The following ASB6 variants were observed in gnomAD, a reference collection of about 807,000 sequenced individuals.
ASB6 encodes ankyrin repeat and SOCS box containing 6, also known as ankyrin repeat and SOCS box protein 6.
ASB6 carries 24 observed loss-of-function variants against 28.6 expected under a neutral mutation model. That is an observed-to-expected ratio of 0.84 (90% CI 0.61 to 1.18). The LOEUF is 1.18. ASB6 is among the 50% of genes most tolerant of loss of function. The pLI, the probability that ASB6 is intolerant of heterozygous loss-of-function variation, is 0.00. For missense variants in ASB6, 519 were observed against 559.8 expected (o/e 0.93, Z 0.74); for synonymous variants, 267 against 243.4 (o/e 1.10, Z -0.90).
chr9:129,637,784 G>A lies in ASB6; in HGVS notation c.*6C>T. The A allele has an allele frequency of 6.6e-7, 1 of 1,508,928 alleles. No individual in the cohort carries two copies. The highest frequency in any genetic ancestry group is 1.4e-5 in the South Asian group (1 of 74,010). The allele number at this position is 1,508,928 out of a possible 1,614,324, so 93.5% of individuals were successfully genotyped here. A position where few individuals can be genotyped will look rare whatever the true frequency, so the allele number is the denominator to read the frequency against. The stretch of plus-strand genomic sequence containing the variant: ...CGTGTCCCCCGTTCCTGTAGCCTGA[G>A]ACCTATCAGATGTCATCTTCCACGG... On this transcript the variant is annotated 3_prime_UTR_variant, in exon 6 of 6. Transcript: ENST00000277458.
chr9:129,639,114 A>C, intron 4 of ASB6, 88 bp downstream of exon 4: 2 of 1,301,198 alleles, frequency 1.5e-6, no homozygotes, highest in Non-Finnish European at 2.1e-6. Context: ...CAGTCTGCCC[A>C]CCTAGCTGTT....
Position 129,635,144 on chromosome 9 carries a change from A to C in ASB6, c.*2646T>G. 1 of 1,557,098 alleles carries C rather than the reference A, an allele frequency of 6.4e-7. No homozygotes were observed. Among genetic ancestry groups the C allele is most frequent in the South Asian group, 1.2e-5 (1 of 84,180 alleles). ...GGGGCTCAGCGGGGCTGAGAAGTAC[A>C]TCCCATCCAGTGCCGACATCCGCTT... On this transcript the variant is annotated 3_prime_UTR_variant, in exon 6 of 6. Coordinates refer to ENST00000277458, the MANE Select transcript of ASB6 (RefSeq NM_017873.4).
At chr9:129,639,152 C>G in intron 4 of ASB6, 50 bp downstream of exon 4, 1 of 1,535,660 alleles carries the variant, frequency 6.5e-7, no homozygotes, top group Non-Finnish European at 8.8e-7. Context: ...GTGTCCCCCA[C>G]AAGGTGCCTG....
chr9:129,642,054 C>A lies in ASB6; in HGVS notation c.-55G>T. The stretch of plus-strand genomic sequence containing the variant: ...GCGCTTTCTGCCGAGGCCGAGATGC[C>A]CAGACGCCGACCGGAACGCTCCGGC... On this transcript the variant is annotated 5_prime_UTR_variant, in exon 1 of 6. Transcript: ENST00000277458. The surrounding 1 kb of genome is among the most constrained non-coding windows in gnomAD (Gnocchi z 4.3). 1 of 1,519,448 alleles carries A rather than the reference C, an allele frequency of 6.6e-7. No homozygotes were observed. The highest frequency in any genetic ancestry group is 8.8e-7 in the Non-Finnish European group (1 of 1,131,570). The allele number at this position is 1,519,448 out of a possible 1,614,324, so 94.1% of individuals were successfully genotyped here.
chr9:129,642,049 G>C lies in ASB6; in HGVS notation c.-50C>G. ...CCGTCGCGCTTTCTGCCGAGGCCGA[G>C]ATGCCCAGACGCCGACCGGAACGCT... On this transcript the variant is annotated 5_prime_UTR_variant, in exon 1 of 6. It adds an upstream start codon to the 5' untranslated region. Transcript: ENST00000277458. The surrounding 1 kb of genome is among the most constrained non-coding windows in gnomAD (Gnocchi z 4.3). 1 of 1,538,782 alleles carries C rather than the reference G, an allele frequency of 6.5e-7. No individual in the cohort carries two copies. Among genetic ancestry groups the C allele is most frequent in the Non-Finnish European group, 8.8e-7 (1 of 1,141,654 alleles).
chr9:129,640,105 G>A (rs1831659269), intron 2 of ASB6, among the ~76,000 whole-genome samples: 1 of 152,214 alleles, frequency 6.6e-6, no homozygotes, highest in Non-Finnish European at 1.5e-5. Flanking sequence ...CCAGGAGCCA[G>A]GGTGTCCTGT....
chr9:129,635,294 A>T lies in ASB6; in HGVS notation c.*2496T>A. ...CAACGGCATCATCGTCATCAAAGAC[A>T]ACATGGCCCAGGAGGGCGTGATTCT... is the stretch of plus-strand genomic sequence containing the variant. On this transcript the variant is annotated 3_prime_UTR_variant, in exon 6 of 6. Coordinates refer to ENST00000277458, the MANE Select transcript of ASB6 (RefSeq NM_017873.4). The T allele has an allele frequency of 6.2e-7, 1 of 1,613,788 alleles. No individual in the cohort carries two copies. Among genetic ancestry groups the T allele is most frequent in the Non-Finnish European group, 8.5e-7 (1 of 1,180,022 alleles).
At chr9:129,639,535 G>GGTCC in intron 2 of ASB6, 27 bp from the exon 3 acceptor site, 1 of 1,592,886 alleles carries the variant, frequency 6.3e-7, no homozygotes, top group Non-Finnish European at 8.6e-7. Context: ...AGCTCATGTG[G>GGTCC]GTCCTATCTG....
Position 129,636,670 on chromosome 9 carries a change from C to T in ASB6, c.*1120G>A, listed in dbSNP as rs905026470. 2 of 152,070 alleles carry T rather than the reference C, an allele frequency of 1.3e-5. No individual in the cohort carries two copies. Among genetic ancestry groups the T allele is most frequent in the African/African-American group, 4.8e-5 (2 of 41,392 alleles). The allele number at this position is 152,070 out of a possible 1,614,324, so 9.4% of individuals were successfully genotyped here. A position where few individuals can be genotyped will look rare whatever the true frequency, so the allele number is the denominator to read the frequency against. On this transcript the variant is annotated 3_prime_UTR_variant, in exon 6 of 6. Coordinates refer to ENST00000277458, the MANE Select transcript of ASB6 (RefSeq NM_017873.4). Reference sequence around the variant, plus strand: ...CGAGATTGCACCATTGCACTCCAGCCTGGGTGACAGAGTGTCTCGAAAAAA... The same window carrying T: ...CGAGATTGCACCATTGCACTCCAGCTTGGGTGACAGAGTGTCTCGAAAAAA...
In ASB6 at chr9:129,638,237, G is replaced by T; in HGVS notation, c.819C>A (p.His273Gln). 6.2e-7 allele frequency: 1 copy of T among 1,613,396 alleles called. No homozygotes were observed. Among genetic ancestry groups the T allele is most frequent in the Non-Finnish European group, 8.5e-7 (1 of 1,179,776 alleles). Residue 273 changes from histidine to glutamine, a missense_variant, in exon 6 of 6, where the codon CAC becomes CAA. His to Gln is a conservative substitution (Grantham distance 24). Transcript: ENST00000277458. ...CCAGGAGGAAGCGCAGGAGAGGGAA[G>T]TGCAGTTTAAAGCTCTTCAGGCAGA... ...THICLKSFKLHFPLLRFLLES... is the reference protein window; with the variant it reads ...THICLKSFKLQFPLLRFLLES...
chr9:129,637,642 G>T lies in ASB6; in HGVS notation c.*148C>A. On this transcript the variant is annotated 3_prime_UTR_variant, in exon 6 of 6. Transcript: ENST00000277458. ...ACCCTTCACCACTGGAGTGATCACA[G>T]CTTCAGGCTCTACCTGGCTGGCTTT... 1 of 788,884 alleles carries T rather than the reference G, an allele frequency of 1.3e-6. No homozygotes were observed. The highest frequency in any genetic ancestry group is 1.9e-6 in the Non-Finnish European group (1 of 537,380). The allele number at this position is 788,884 out of a possible 1,614,324, so 48.9% of individuals were successfully genotyped here. A position where few individuals can be genotyped will look rare whatever the true frequency, so the allele number is the denominator to read the frequency against.
At chr9:129,639,818 T>A (rs1469977083) in intron 2 of ASB6, among the ~76,000 whole-genome samples, 1 of 152,252 alleles carries the variant, frequency 6.6e-6, no homozygotes, top group Non-Finnish European at 1.5e-5. Flanking sequence ...CTGGCGGCTC[T>A]GCTTTGTAGG....
In ASB6 at chr9:129,637,866, T is replaced by G; in HGVS notation, c.1190A>C (p.Lys397Thr). The G allele has an allele frequency of 6.5e-7, 1 of 1,545,708 alleles. No individual in the cohort carries two copies. Reference sequence around the variant, plus strand: ...CAGCCTGTCGGGCAGAGGCAGGGCTTTGACCTTCACATCCACAGGCCACGG... The same window carrying G: ...CAGCCTGTCGGGCAGAGGCAGGGCTGTGACCTTCACATCCACAGGCCACGG... ...LQPWPVDVKV[K>T]ALPLPDRLKW... Residue 397 changes from lysine to threonine, a missense_variant, in exon 6 of 6, where the codon AAA becomes ACA. Physicochemically the swap from Lys to Thr is moderately conservative, Grantham distance 78 (BLOSUM62 -1). Coordinates refer to ENST00000277458, the MANE Select transcript of ASB6 (RefSeq NM_017873.4).
rs770962165 is a variant in ASB6 at position 129,639,327 on chromosome 9, C to T, written c.403-17G>A. On this transcript the variant is annotated splice_polypyrimidine_tract_variant and intron_variant, in intron 3 of 5. Coordinates refer to ENST00000277458, the MANE Select transcript of ASB6 (RefSeq NM_017873.4). ...CTCGTGGATCTGAGCCAAGGAAGCA[C>T]AGCCAGGTTGGCTTGGGAAGCTGCT... 6 of 1,604,638 alleles carry T rather than the reference C, an allele frequency of 3.7e-6. No homozygotes were observed. In the African/African-American group the frequency reaches 5.3e-5, roughly 14 times the overall value.
rs900434296 is a variant in ASB6, at chr9:129,635,256, G to A, written c.*2534C>T. 6.2e-7 allele frequency: 1 copy of A among 1,613,080 alleles called. No homozygotes were observed. On this transcript the variant is annotated 3_prime_UTR_variant, in exon 6 of 6. Transcript: ENST00000277458. ...GCCGAGTTCCTGCGGCGCTGCAAGG[G>A]CAGCCTCCGCCCCAACGGCATCATC...
intron 2 of ASB6, 72 bp from the exon 3 acceptor site, chr9:129,639,580 C>T: frequency 7.5e-7 from 1 of 1,331,612 alleles, no homozygotes; most frequent in South Asian, 1.3e-5. Flanking sequence ...ACCCAGAGCC[C>T]AGCCCCAAAC....
Position 129,639,231 on chromosome 9 carries a change from C to T in ASB6, c.482G>A (p.Gly161Glu). 6.2e-7 allele frequency: 1 copy of T among 1,611,294 alleles called. No individual in the cohort carries two copies. Among genetic ancestry groups the T allele is most frequent in the Non-Finnish European group, 8.5e-7 (1 of 1,179,142 alleles). The change falls in exon 4 of 6, where the codon GGA (glycine) becomes GAA (glutamate). Residue 161 changes from glycine to glutamate, a missense_variant. Coordinates refer to ENST00000277458, the MANE Select transcript of ASB6 (RefSeq NM_017873.4). ...LPCLQRLLDL[G>E]ADVNAADKHG... The stretch of plus-strand genomic sequence containing the variant: ...CTTGTCAGCGGCATTGACATCAGCT[C>T]CAAGGTCCAGGAGGCGCTGCAGGCA...
chr9:129,641,157 C>T, intron 1 of ASB6: 1 of 187,108 alleles, frequency 5.3e-6, no homozygotes, highest in Non-Finnish European at 1.1e-5. Flanking sequence ...ACACAGCCTC[C>T]TCCCTCCCCT....
At position 129,636,268 on chromosome 9, in the gene ASB6, G is replaced by C. The variant is rs560051950; in HGVS notation, c.*1522C>G. The C allele has an allele frequency of 6.6e-6, 1 of 151,838 alleles. No homozygotes were observed. Among genetic ancestry groups the C allele is most frequent in the Non-Finnish European group, 1.5e-5 (1 of 68,012 alleles). The allele number at this position is 151,838 out of a possible 1,614,324, so 9.4% of individuals were successfully genotyped here. ...TAGCCAGGCGTGATGGCGGGCGCCT[G>C]TAGTCCCAGCTACTCAGGAGGCTGA... On this transcript the variant is annotated 3_prime_UTR_variant, in exon 6 of 6. Transcript: ENST00000277458.
Sources: allele counts gnomAD v4.1 joint callset (sites outside exome capture counted in the v4.1 genomes callset), GRCh38; gene constraint gnomAD v4.1.1; non-coding constraint Gnocchi (gnomAD v3.1); transcripts MANE v1.5; gene names NCBI Gene and HGNC (gene_info 2026-07-23, HGNC 2026-07-21).